Variants in GRIK1 observed in about 807,000 individuals in gnomAD.
GRIK1 encodes the protein glutamate receptor ionotropic, kainate 1.
In GRIK1, 69 loss-of-function variants were observed where a neutral mutation model predicts 105.7. The ratio of observed to expected loss-of-function variants is 0.65; its 90% CI spans 0.54 to 0.80. The LOEUF (loss-of-function observed/expected upper bound fraction) is 0.80, where lower values mean the gene tolerates loss of function less well. Ranked by LOEUF, GRIK1 falls within the 30% of genes least tolerant of loss-of-function variation. GRIK1 has a pLI of 0.00. For missense variants in GRIK1, 1,109 were observed against 1,167.3 expected (o/e 0.95, Z 0.73); for synonymous variants, 438 against 431.3 (o/e 1.02, Z -0.19).
chr21:29,596,251 C>T, intron 9 of GRIK1: 2 of 550,202 alleles, frequency 3.6e-6, no homozygotes, highest in South Asian at 1.8e-5. Context: ...TCAATCCTAA[C>T]AAGGACTGAT....
At chr21:29,780,869 T>C (rs1461181412) in intron 1 of GRIK1, among the ~76,000 whole-genome samples, 3 of 152,270 alleles carry the variant, frequency 2.0e-5, no homozygotes, top group African/African-American at 4.8e-5. Flanking sequence ...AGAGACAATG[T>C]TTATATGAAA....
At chr21:29,769,632 C>T (rs1036199328) in intron 1 of GRIK1, among the ~76,000 whole-genome samples, 2 of 152,108 alleles carry the variant, frequency 1.3e-5, no homozygotes, top group Non-Finnish European at 2.9e-5. Context: ...CTCACTTACC[C>T]GCTGGCCACT....
chr21:29,833,942 A>G (rs2067710236), intron 1 of GRIK1, among the ~76,000 whole-genome samples: 1 of 152,202 alleles, frequency 6.6e-6, no homozygotes, highest in African/African-American at 2.4e-5. Context: ...GAACATATAC[A>G]TAACATACAC....
intron 1 of GRIK1, among the ~76,000 whole-genome samples, chr21:29,841,495 A>G (rs1266475675): frequency 2.0e-5 from 3 of 152,172 alleles, no homozygotes; most frequent in Admixed American, 6.5e-5. Flanking sequence ...AATAGTGCTA[A>G]TAAGTGTGAT....
chr21:29,928,663 T>C (rs1306895302), intron 1 of GRIK1, among the ~76,000 whole-genome samples: 2 of 152,188 alleles, frequency 1.3e-5, no homozygotes, highest in African/African-American at 2.4e-5. Context: ...ACCAGCTAAG[T>C]GAGAGACCAG....
rs147404699 is a variant in GRIK1 at position 29,707,839 on chromosome 21, TC to T, written c.119-13777del. ...CATAGGTACCTCTTCCTGAACATAA[TC>T]CACCTTTTCAATGGCTATTTAATAT... is the stretch of plus-strand genomic sequence containing the variant. On this transcript the variant is annotated intron_variant, in intron 1 of 17. Transcript: ENST00000327783. Among the ~76,000 whole-genome samples, 977 of 152,270 alleles carry T rather than the reference TC, an allele frequency of 6.4e-3. 12 individuals carry two copies. Among genetic ancestry groups the T allele is most frequent in the African/African-American group, 0.022 (931 of 41,570 alleles).
At chr21:29,600,076 C>G (rs1188241448) in intron 7 of GRIK1, among the ~76,000 whole-genome samples, 1 of 152,174 alleles carries the variant, frequency 6.6e-6, no homozygotes, top group African/African-American at 2.4e-5. Context: ...CAGAGCAAGA[C>G]TCCGTCTAAA....
chr21:29,936,353 G>A (rs1235783722), intron 1 of GRIK1, among the ~76,000 whole-genome samples: 1 of 152,000 alleles, frequency 6.6e-6, no homozygotes, highest in East Asian at 1.9e-4. Flanking sequence ...TTAATTAATG[G>A]TGGTGGGCCA....
At chr21:29,856,138 G>A (rs2068457154) in intron 1 of GRIK1, among the ~76,000 whole-genome samples, 1 of 152,146 alleles carries the variant, frequency 6.6e-6, no homozygotes, top group South Asian at 2.1e-4. Context: ...TCAGCCCAGT[G>A]GTGGGTGTTT....
At chr21:29,811,584 C>T (rs1351357554) in intron 1 of GRIK1, among the ~76,000 whole-genome samples, 3 of 152,102 alleles carry the variant, frequency 2.0e-5, no homozygotes, top group African/African-American at 7.2e-5. Flanking sequence ...GGTTCTCTAC[C>T]TCTCTCCTTC....
intron 3 of GRIK1, among the ~76,000 whole-genome samples, chr21:29,688,320 C>T (rs1007639623): frequency 1.3e-5 from 2 of 152,162 alleles, no homozygotes; most frequent in Admixed American, 1.3e-4. Flanking sequence ...TAAAATGGAA[C>T]CAGAGTTTAA....
At chr21:29,602,825 G>C (rs906843843) in intron 7 of GRIK1, among the ~76,000 whole-genome samples, 1 of 152,156 alleles carries the variant, frequency 6.6e-6, no homozygotes, top group Non-Finnish European at 1.5e-5. Flanking sequence ...GGGAATCATG[G>C]GGGTGTTTTA....
At position 29,662,229 on chromosome 21, in the gene GRIK1, T is replaced by A. The variant is rs542069620; in HGVS notation, c.727-7366A>T. 2.0e-5 allele frequency among the ~76,000 whole-genome samples: 3 copies of A among 152,320 alleles called. No homozygotes were observed. The East Asian group carries it at 5.8e-4, about 29-fold the overall frequency. On this transcript the variant is annotated intron_variant, in intron 4 of 17. Coordinates refer to ENST00000327783, the MANE Select transcript of GRIK1 (RefSeq NM_001330994.2). ...ATCCTACTAGAAGAGCCAGATTGCATCACCCAGGTGCACAACAGATGAGAT... is the reference window on the plus strand; with the variant it reads ...ATCCTACTAGAAGAGCCAGATTGCAACACCCAGGTGCACAACAGATGAGAT...
chr21:29,682,581 G>T (rs993988535), intron 3 of GRIK1, among the ~76,000 whole-genome samples: 1 of 152,160 alleles, frequency 6.6e-6, no homozygotes, highest in Non-Finnish European at 1.5e-5. Context: ...CTAGCCATAT[G>T]TAGAAGAATA....
At chr21:29,618,079 C>T (rs190526489) in intron 7 of GRIK1, among the ~76,000 whole-genome samples, 10 of 152,232 alleles carry the variant, frequency 6.6e-5, no homozygotes, top group African/African-American at 2.4e-4. Context: ...CTCTAATTGT[C>T]CTTCACCTTT....
At chr21:29,937,386 T>G (rs1243721270) in intron 1 of GRIK1, among the ~76,000 whole-genome samples, 1 of 152,252 alleles carries the variant, frequency 6.6e-6, no homozygotes, top group Non-Finnish European at 1.5e-5. Context: ...CATTTTATTT[T>G]ATGCATTTTG....
intron 7 of GRIK1, among the ~76,000 whole-genome samples, chr21:29,638,540 T>C (rs1373410506): frequency 6.6e-6 from 1 of 152,130 alleles, no homozygotes; most frequent in East Asian, 1.9e-4. Flanking sequence ...TAAAGTGCAA[T>C]ACAGAAACAA....
At chr21:29,791,747 C>G (rs2066425171) in intron 1 of GRIK1, among the ~76,000 whole-genome samples, 1 of 151,860 alleles carries the variant, frequency 6.6e-6, no homozygotes, top group Non-Finnish European at 1.5e-5. Context: ...AGTTGGAGGG[C>G]CTGATAAAGG....
intron 15 of GRIK1, among the ~76,000 whole-genome samples, chr21:29,560,196 C>T (rs1268599848): frequency 6.6e-6 from 1 of 152,158 alleles, no homozygotes; most frequent in Non-Finnish European, 1.5e-5. Context: ...GATTCTTCTC[C>T]TTTGGAATGC....
Sources: allele counts gnomAD v4.1 joint callset (sites outside exome capture counted in the v4.1 genomes callset), GRCh38; gene constraint gnomAD v4.1.1; transcripts MANE v1.5; gene names NCBI Gene and HGNC (gene_info 2026-07-23, HGNC 2026-07-21).